The following PCDHA2 variants were observed in gnomAD, a reference collection of about 807,000 sequenced individuals.
PCDHA2 encodes the protein protocadherin alpha 2.
A neutral mutation model predicts 66.0 loss-of-function variants in PCDHA2; 58 were observed. The ratio of observed to expected loss-of-function variants is 0.88; its 90% CI spans 0.71 to 1.09. The LOEUF is 1.09. PCDHA2 is among the 50% of genes least tolerant of loss of function. PCDHA2 has a pLI of 0.00. For missense variants in PCDHA2, 1,267 were observed against 1,242.3 expected, an observed-to-expected ratio of 1.02 and a Z score of -0.30; for synonymous variants, 634 against 554.0, an observed-to-expected ratio of 1.14 and a Z score of -2.03.
chr5:140,972,399 T>C (rs1554234105), intron 1 of PCDHA2, among the ~76,000 whole-genome samples: 2 of 152,062 alleles, frequency 1.3e-5, no homozygotes, highest in South Asian at 2.1e-4. Context: ...TGCTTCACTA[T>C]TGGCAAACCC....
At position 140,797,182 on chromosome 5, in the gene PCDHA2, G is replaced by A; in HGVS notation, c.2218G>A (p.Val740Met). ...GARAPGKPTL[V>M]CSSAVGSWSY... ...GCGCGCGCCAGGAAAGCCCACGCTG[G>A]TGTGCTCCAGCGCCGTGGGGAGCTG... The change falls in exon 1 of 4, where the codon GTG becomes ATG. Residue 740 changes from valine (V) to methionine (M), a missense_variant. Val to Met is a conservative substitution (Grantham distance 21, BLOSUM62 1). Transcript: ENST00000526136. 1 of 1,614,168 alleles carries A rather than the reference G, an allele frequency of 6.2e-7. No homozygotes were observed. Among genetic ancestry groups the A allele is most frequent in the Non-Finnish European group, 8.5e-7 (1 of 1,180,052 alleles).
intron 1 of PCDHA2, chr5:140,808,974 C>A (rs781991192): frequency 1.2e-6 from 2 of 1,613,506 alleles, no homozygotes; most frequent in African/African-American, 1.3e-5. Flanking sequence ...AAGGTGCGCG[C>A]GGTGGATGCT....
At chr5:140,800,562 A>G (rs1244857161) in intron 1 of PCDHA2, among the ~76,000 whole-genome samples, 1 of 152,216 alleles carries the variant, frequency 6.6e-6, no homozygotes, top group African/African-American at 2.4e-5. Context: ...TATAAAATGT[A>G]ACTTGGGTGG....
At chr5:140,966,455 C>G (rs376758355) in intron 1 of PCDHA2, 20 of 426,928 alleles carry the variant, frequency 4.7e-5, no homozygotes, top group East Asian at 2.8e-4. Flanking sequence ...CCCCCTCCCC[C>G]TCTGTCTTCC....
rs536777034 is a variant in PCDHA2 at position 140,985,803 on chromosome 5, G to A, written c.2536+3240G>A. Among the ~76,000 whole-genome samples the A allele has an allele frequency of 1.3e-4, 18 of 139,858 alleles. No individual in the cohort carries two copies. In the East Asian group the frequency reaches 1.8e-3, roughly 14 times the overall value. The allele number at this position is 139,858 out of a possible 152,430, so 91.8% of individuals were successfully genotyped here. A position where few individuals can be genotyped will look rare whatever the true frequency, so the allele number is the denominator to read the frequency against. Reference sequence around the variant, plus strand: ...CGCCCAGGCTGGAGTGCAGTGGCACGATCTCAGCTCACAACAAGCTCTGCC... The same window carrying A: ...CGCCCAGGCTGGAGTGCAGTGGCACAATCTCAGCTCACAACAAGCTCTGCC... On this transcript the variant is annotated intron_variant, in intron 3 of 3. Transcript: ENST00000526136.
chr5:140,866,062 C>T (rs1312576527), intron 1 of PCDHA2: 2 of 152,092 alleles, frequency 1.3e-5, no homozygotes, highest in Non-Finnish European at 2.9e-5. Context: ...ATCAATGCCA[C>T]ACTGAGATAG....
chr5:140,848,986 AGAACGCC>A (rs2040724980), intron 1 of PCDHA2: 1 of 1,597,958 alleles, frequency 6.3e-7, no homozygotes, highest in African/African-American at 1.4e-5. Flanking sequence ...GATATCGGGG[AGAACGCC>A]CTGCTCACTT....
intron 1 of PCDHA2, among the ~76,000 whole-genome samples, chr5:140,837,439 T>C (rs1775044466): frequency 6.6e-6 from 1 of 151,980 alleles, no homozygotes; most frequent in African/African-American, 2.4e-5. Flanking sequence ...TGAAATCTAG[T>C]ACGTAGTAAA....
chr5:140,891,933 C>T (rs1554185011), intron 1 of PCDHA2, among the ~76,000 whole-genome samples: 1 of 152,220 alleles, frequency 6.6e-6, no homozygotes, highest in African/African-American at 2.4e-5. Flanking sequence ...TGATCTTGGA[C>T]TTCCCCTAGG....
At position 140,852,924 on chromosome 5, in the gene PCDHA2, G is replaced by C. The variant is rs1007993116; in HGVS notation, c.2388+55572G>C. On this transcript the variant is annotated intron_variant, in intron 1 of 3. Coordinates refer to ENST00000526136, the MANE Select transcript of PCDHA2 (RefSeq NM_018905.3). ...GTCAGAGTCTCGCTCTGTTGCCCAG[G>C]CTGGAGTGCAGTGGTGCCATCTTGG... The C allele has an allele frequency of 2.7e-5, 19 of 707,974 alleles. 2 individuals are homozygous for C. Among genetic ancestry groups the C allele is most frequent in the Admixed American group, 2.6e-4 (4 of 15,396 alleles). The allele number at this position is 707,974 out of a possible 1,614,324, so 43.9% of individuals were successfully genotyped here.
rs1338866234 is a variant in PCDHA2 at position 141,009,892 on chromosome 5, GAA to G, written c.2807_2808del (p.Lys936ArgfsTer8). ...AGAAGAAGGGTAACAAGACCCAGGA[GAA>G]AAAAGAGAAAGGGAACAGCACGACT... ...KKKKGNKTQE[K>X]KEKGNSTTDN... On this transcript the variant is annotated frameshift_variant, in exon 4 of 4. Coordinates refer to ENST00000526136, the MANE Select transcript of PCDHA2 (RefSeq NM_018905.3). LOFTEE classifies it high-confidence loss of function. The G allele has an allele frequency of 3.7e-6, 6 of 1,612,022 alleles. No individual in the cohort carries two copies. The Admixed American group carries it at 1.0e-4, about 27-fold the overall frequency.
intron 1 of PCDHA2, chr5:140,825,399 A>G (rs1460047226): frequency 2.7e-5 from 4 of 145,886 alleles, no homozygotes; most frequent in Non-Finnish European, 6.0e-5. Flanking sequence ...TATCTAATAT[A>G]TTATATATTT....
At chr5:140,823,162 G>A (rs2150122942) in intron 1 of PCDHA2, 13 of 1,613,938 alleles carry the variant, frequency 8.1e-6, no homozygotes, top group Non-Finnish European at 1.0e-5. Context: ...TACCGTGTTC[G>A]TGAAGGAGAA....
intron 1 of PCDHA2, chr5:140,926,986 C>A (rs782199565): frequency 8.1e-6 from 13 of 1,610,594 alleles, no homozygotes; most frequent in Non-Finnish European, 2.5e-6. Flanking sequence ...GGAGACGGAG[C>A]GGGGCGTAGC....
chr5:140,802,706 G>T, intron 1 of PCDHA2: 1 of 1,612,472 alleles, frequency 6.2e-7, no homozygotes, highest in Non-Finnish European at 8.5e-7. Flanking sequence ...GGGAGCGCGC[G>T]CTGTCGAGCT....
At chr5:140,828,783 C>G (rs2150158892) in intron 1 of PCDHA2, 14 of 1,614,164 alleles carry the variant, frequency 8.7e-6, no homozygotes, top group Non-Finnish European at 1.1e-5. Context: ...CTGCTGGTCA[C>G]AGTGCTGGAT....
rs151299460 is a variant in PCDHA2, at chr5:140,849,914, C to T, written c.2388+52562C>T. On this transcript the variant is annotated intron_variant, in intron 1 of 3. Coordinates refer to ENST00000526136, the MANE Select transcript of PCDHA2 (RefSeq NM_018905.3). ...AGGAGAACAACCCGCCGGGCTGCCA[C>T]ATCTTCACGGTGTCTGCGCGGGACG... is the stretch of plus-strand genomic sequence containing the variant. 4.8e-4 allele frequency: 771 copies of T among 1,598,354 alleles called. 44 individuals are homozygous for T. The African/African-American group carries it at 9.1e-3, about 19-fold the overall frequency.
At position 140,870,884 on chromosome 5, in the gene PCDHA2, G is replaced by T. The variant is rs376620715; in HGVS notation, c.2388+73532G>T. On this transcript the variant is annotated intron_variant, in intron 1 of 3. Coordinates refer to ENST00000526136, the MANE Select transcript of PCDHA2 (RefSeq NM_018905.3). ...GCGGGCCACGTGGTGGCGAAGGTGC[G>T]CGCAGTGGATGCGGACTCAGGCTAC... is the stretch of plus-strand genomic sequence containing the variant. The T allele has an allele frequency of 9.3e-6, 15 of 1,613,948 alleles. No individual in the cohort carries two copies. In the African/African-American group the frequency reaches 1.7e-4, roughly 19 times the overall value.
chr5:140,836,642 G>T, intron 1 of PCDHA2: 1 of 1,613,486 alleles, frequency 6.2e-7, no homozygotes, highest in Non-Finnish European at 8.5e-7. Context: ...TCTCCCAGCA[G>T]AGGCGGCAGA....
Sources: gnomAD v4.1 joint callset for allele counts (sites outside exome capture counted in the v4.1 genomes callset) on GRCh38, gnomAD v4.1.1 for gene constraint, MANE v1.5 for transcripts, NCBI Gene and HGNC (gene_info 2026-07-23, HGNC 2026-07-21) for gene names.